The following LARP4 variants were observed in gnomAD, a reference collection of about 807,000 sequenced individuals.
LARP4 encodes the protein la-related protein 4.
Under a neutral mutation model 92.9 loss-of-function variants are expected in LARP4, and 29 were observed. The observed-to-expected ratio is 0.31, with a 90% CI of 0.23 to 0.43. The LOEUF (loss-of-function observed/expected upper bound fraction) is 0.43, where lower values mean the gene tolerates loss of function less well. Ranked by LOEUF, LARP4 falls within the 20% of genes least tolerant of loss-of-function variation. The pLI is 1.00. For missense variants in LARP4, 732 were observed against 860.0 expected (o/e 0.85, Z 1.86); for synonymous variants, 279 against 284.1 (o/e 0.98, Z 0.18).
At chr12:50,437,458 A>G (rs1450096283) in intron 5 of LARP4, among the ~76,000 whole-genome samples, 1 of 152,122 alleles carries the variant, frequency 6.6e-6, no homozygotes, top group East Asian at 1.9e-4. Context: ...CTTATTAGAT[A>G]TATGTTGTAT....
At chr12:50,416,592 G>C (rs537104384) in intron 1 of LARP4, among the ~76,000 whole-genome samples, 17 of 152,190 alleles carry the variant, frequency 1.1e-4, no homozygotes, top group African/African-American at 4.1e-4. Flanking sequence ...GCTGAGGTGG[G>C]AGGATCCCTA....
At position 50,440,437 on chromosome 12, in the gene LARP4, A is replaced by G; in HGVS notation, c.640-2A>G. On this transcript the variant is annotated splice_acceptor_variant, in intron 6 of 15. Coordinates refer to ENST00000398473, the MANE Select transcript of LARP4 (RefSeq NM_052879.5). LOFTEE classifies it high-confidence loss of function. ...GTTAACTAATTTTCTTTTTCTTTTTAGGAAGTGAAAGGTTTGTTCAAAAGT... is the reference window on the plus strand; with the variant it reads ...GTTAACTAATTTTCTTTTTCTTTTTGGGAAGTGAAAGGTTTGTTCAAAAGT... 1.2e-6 allele frequency: 2 copies of G among 1,607,062 alleles called. No individual in the cohort carries two copies. The highest frequency in any genetic ancestry group is 1.7e-6 in the Non-Finnish European group (2 of 1,175,592).
At chr12:50,425,382 A>G (rs1040256813) in intron 1 of LARP4, among the ~76,000 whole-genome samples, 7 of 152,140 alleles carry the variant, frequency 4.6e-5, no homozygotes, top group Non-Finnish European at 8.8e-5. Flanking sequence ...ACCATTTGCC[A>G]TCTTCTTGGG....
intron 13 of LARP4, among the ~76,000 whole-genome samples, chr12:50,468,330 G>A (rs1056874701): frequency 2.8e-5 from 4 of 144,256 alleles, no homozygotes; most frequent in Non-Finnish European, 6.0e-5. Context: ...AGTCTCGCTC[G>A]TAGCCCAGGC....
chr12:50,457,275 C>T (rs894358260), intron 10 of LARP4, among the ~76,000 whole-genome samples: 2 of 146,718 alleles, frequency 1.4e-5, no homozygotes, highest in Admixed American at 7.0e-5. Flanking sequence ...GGCGGGATCT[C>T]GGCTCACTGC....
Position 50,427,916 on chromosome 12 carries a change from C to A in LARP4, c.166+7C>A. ...TCAGGTGCTCATCCTGAGGGTAAGTCTTAAATATTTGGTCATAAAAATCAC... is the reference window on the plus strand; with the variant it reads ...TCAGGTGCTCATCCTGAGGGTAAGTATTAAATATTTGGTCATAAAAATCAC... On this transcript the variant is annotated splice_region_variant and intron_variant, in intron 2 of 15. Coordinates refer to ENST00000398473, the MANE Select transcript of LARP4 (RefSeq NM_052879.5). The A allele has an allele frequency of 6.5e-7, 1 of 1,544,966 alleles. No individual in the cohort carries two copies. The highest frequency in any genetic ancestry group is 8.8e-7 in the Non-Finnish European group (1 of 1,137,276).
chr12:50,430,902 C>G (rs1483731561), intron 4 of LARP4, among the ~76,000 whole-genome samples: 8 of 152,044 alleles, frequency 5.3e-5, no homozygotes, highest in Non-Finnish European at 1.0e-4. Context: ...CCTCATGTGA[C>G]CTGCCCTCCT....
chr12:50,462,782 C>G (rs1027304207), intron 12 of LARP4, 152 bp downstream of exon 12: 1 of 577,044 alleles, frequency 1.7e-6, no homozygotes, highest in Non-Finnish European at 3.0e-6. Flanking sequence ...GAAATTTTTA[C>G]CACCACCACC....
intron 1 of LARP4, among the ~76,000 whole-genome samples, chr12:50,426,099 G>T (rs565731243): frequency 6.6e-6 from 1 of 152,146 alleles, no homozygotes; most frequent in Non-Finnish European, 1.5e-5. Context: ...AGGACAGGAA[G>T]TGTTGAATGT....
At position 50,423,109 on chromosome 12, in the gene LARP4, C is replaced by T. The variant is rs1031507449; in HGVS notation, c.19-4653C>T. 2.8e-4 allele frequency among the ~76,000 whole-genome samples: 43 copies of T among 152,112 alleles called. No individual in the cohort carries two copies. The East Asian group carries it at 5.6e-3, about 20-fold the overall frequency. ...TGTTGGGATTACAGGCGTGAGCCAC[C>T]GCGCCTGGCTGGAAAATTATTCTTA... On this transcript the variant is annotated intron_variant, in intron 1 of 15. Transcript: ENST00000398473.
chr12:50,415,450 G>A (rs189233804), intron 1 of LARP4, among the ~76,000 whole-genome samples: 215 of 152,164 alleles, frequency 1.4e-3, no homozygotes, highest in African/African-American at 4.9e-3. Context: ...GTGAAATAGC[G>A]TACCCCATCA....
At chr12:50,422,263 C>G (rs1001028325) in intron 1 of LARP4, among the ~76,000 whole-genome samples, 7 of 152,164 alleles carry the variant, frequency 4.6e-5, no homozygotes, top group African/African-American at 1.7e-4. Flanking sequence ...CTGCCCCCGA[C>G]CTACATTGTT....
intron 4 of LARP4, among the ~76,000 whole-genome samples, chr12:50,433,536 T>TGA (rs1299970236): frequency 6.6e-6 from 1 of 152,184 alleles, no homozygotes; most frequent in Admixed American, 6.5e-5. Flanking sequence ...AATCACTGTT[T>TGA]AAGAATAGAC....
At chr12:50,436,372 T>G (rs1198246486) in intron 5 of LARP4, among the ~76,000 whole-genome samples, 1 of 152,040 alleles carries the variant, frequency 6.6e-6, no homozygotes, top group Non-Finnish European at 1.5e-5. Context: ...CATGCCCACT[T>G]AAGAAGTATA....
chr12:50,405,825 G>A (rs562144486), intron 1 of LARP4, among the ~76,000 whole-genome samples: 71 of 152,204 alleles, frequency 4.7e-4, no homozygotes, highest in African/African-American at 1.6e-3. Context: ...AACCTTGGAT[G>A]CTCAAGTCTT....
At chr12:50,421,104 C>T (rs1193879169) in intron 1 of LARP4, among the ~76,000 whole-genome samples, 3 of 135,642 alleles carry the variant, frequency 2.2e-5, no homozygotes, top group Non-Finnish European at 4.7e-5. Flanking sequence ...TGCATGCCAC[C>T]ACGTCCAGCT....
intron 1 of LARP4, chr12:50,421,185 A>G: frequency 2.0e-6 from 1 of 511,884 alleles, no homozygotes; most frequent in Non-Finnish European, 2.5e-6. Flanking sequence ...TCCTGACCTC[A>G]TGATCTGCCC....
chr12:50,403,988 C>T (rs186683749), intron 1 of LARP4, among the ~76,000 whole-genome samples: 9 of 152,132 alleles, frequency 5.9e-5, no homozygotes, highest in Non-Finnish European at 1.2e-4. Context: ...CTTTGGGAGG[C>T]TGAGGTGGGT....
chr12:50,409,984 G>A (rs1945559241), intron 1 of LARP4, among the ~76,000 whole-genome samples: 1 of 151,050 alleles, frequency 6.6e-6, no homozygotes, highest in Non-Finnish European at 1.5e-5. Flanking sequence ...TAGAGACGGG[G>A]TTTCTCCATG....
Sources: allele counts gnomAD v4.1 joint callset (sites outside exome capture counted in the v4.1 genomes callset), GRCh38; gene constraint gnomAD v4.1.1; transcripts MANE v1.5; gene names NCBI Gene and HGNC (gene_info 2026-07-23, HGNC 2026-07-21).